TUSC3: variants seen among roughly 807,000 people sequenced by gnomAD.
TUSC3 encodes the protein tumor suppressor candidate 3.
TUSC3 carries 45 observed loss-of-function variants against 44.8 expected under a neutral mutation model. That is an observed-to-expected ratio of 1.00 (90% CI 0.79 to 1.29). TUSC3 has a LOEUF of 1.29. Ranked by LOEUF, TUSC3 falls within the 50% of genes most tolerant of loss-of-function variation. The pLI is 0.00. For synonymous variants in TUSC3, 212 were observed against 152.9 expected (o/e 1.39, Z -2.85); for missense variants, 519 against 437.9 (o/e 1.19, Z -1.65).
upstream of TUSC3, among the ~76,000 whole-genome samples, chr8:15,535,735 T>C (rs992261490): frequency 8.5e-5 from 13 of 152,166 alleles, no homozygotes; most frequent in Admixed American, 5.2e-4. Flanking sequence ...CAGGAAGTGA[T>C]AGTAGCAGTA....
chr8:15,839,613 G>T, the TUSC3 span, among the ~76,000 whole-genome samples: 6 of 152,168 alleles, frequency 3.9e-5, no homozygotes, highest in Admixed American at 6.5e-5. Flanking sequence ...GCAGCCAACA[G>T]ATACATGACA....
chr8:15,753,578 A>G lies in TUSC3; in HGVS notation c.1029-4213A>G, dbSNP rs116755719. Among the ~76,000 whole-genome samples, 496 of 152,192 alleles carry G rather than the reference A, an allele frequency of 3.3e-3. 2 individuals are homozygous for G. The highest frequency in any genetic ancestry group is 0.012 in the African/African-American group (482 of 41,530). ...CCTTTTGTTAGTCTAGCACATGTATATGTGCTAAAGTTAACTTAGTAATAA... is the reference window on the plus strand; with the variant it reads ...CCTTTTGTTAGTCTAGCACATGTATGTGTGCTAAAGTTAACTTAGTAATAA... On this transcript the variant is annotated intron_variant, in intron 9 of 10. Transcript: ENST00000503731.
chr8:15,518,571 C>T lies in TUSC3; in HGVS notation n.189+35088C>T, dbSNP rs148491934. 2.6e-3 allele frequency among the ~76,000 whole-genome samples: 390 copies of T among 152,214 alleles called. 1 individual carries two copies. Among genetic ancestry groups the T allele is most frequent in the African/African-American group, 8.5e-3 (353 of 41,544 alleles). On this transcript the variant is annotated intron_variant and non_coding_transcript_variant, in intron 2 of 5. Coordinates refer to the TUSC3 transcript ENST00000503191. ...TCACTTCTCCTTATGAAAATACAATCTCAGCTTTTATAATATTTATATCCT... is the reference window on the plus strand; with the variant it reads ...TCACTTCTCCTTATGAAAATACAATTTCAGCTTTTATAATATTTATATCCT...
chr8:15,594,245 G>T (rs879433647), intron 1 of TUSC3, among the ~76,000 whole-genome samples: 8 of 151,732 alleles, frequency 5.3e-5, no homozygotes, highest in Non-Finnish European at 1.0e-4. Flanking sequence ...TTTATTTCAC[G>T]TGTTGTAGTT....
In TUSC3 at chr8:15,522,991, G is replaced by A. The variant is rs1362833075; in HGVS notation, n.189+39508G>A. On this transcript the variant is annotated intron_variant and non_coding_transcript_variant, in intron 2 of 5. Coordinates refer to the TUSC3 transcript ENST00000503191. ...ATGCGAAGATGCATCGTTAAGTAAG[G>A]TGTCACAGGAGACTGATGCTCAATC... Among the ~76,000 whole-genome samples, 16 of 152,262 alleles carry A rather than the reference G, an allele frequency of 1.1e-4. No individual in the cohort carries two copies. The South Asian group carries it at 3.3e-3, about 32-fold the overall frequency.
the TUSC3 span, among the ~76,000 whole-genome samples, chr8:15,846,134 G>C: frequency 6.6e-6 from 1 of 152,128 alleles, no homozygotes; most frequent in East Asian, 1.9e-4. Context: ...CACAACATGT[G>C]GGAATTCTGG....
chr8:15,501,843 G>C (rs1800971044), intron 2 of TUSC3, among the ~76,000 whole-genome samples: 1 of 152,168 alleles, frequency 6.6e-6, no homozygotes, highest in South Asian at 2.1e-4. Flanking sequence ...CTGGTAGACA[G>C]TTAAAAATCA....
intron 1 of TUSC3, among the ~76,000 whole-genome samples, chr8:15,542,596 TG>T (rs542902980): frequency 2.4e-4 from 37 of 152,300 alleles, no homozygotes; most frequent in African/African-American, 8.7e-4. Flanking sequence ...AAAGTGTACA[TG>T]TTTACAGCAT....
intron 6 of TUSC3, among the ~76,000 whole-genome samples, chr8:15,706,232 G>A (rs542657522): frequency 6.6e-6 from 1 of 151,984 alleles, no homozygotes; most frequent in South Asian, 2.1e-4. Flanking sequence ...ATATATTTAT[G>A]TGTTTGCTGT....
intron 1 of TUSC3, among the ~76,000 whole-genome samples, chr8:15,590,833 G>C (rs1429776611): frequency 6.6e-6 from 1 of 151,852 alleles, no homozygotes; most frequent in African/African-American, 2.4e-5. Flanking sequence ...CACTGTGCCT[G>C]GCTAATTTTT....
intron 9 of TUSC3, among the ~76,000 whole-genome samples, chr8:15,757,351 A>T: frequency 6.6e-6 from 1 of 152,334 alleles, no homozygotes; most frequent in South Asian, 2.1e-4. Flanking sequence ...ATAACAGCTA[A>T]AAATGAAAGG....
At chr8:15,653,971 G>A (rs1807034583) in intron 3 of TUSC3, among the ~76,000 whole-genome samples, 2 of 152,124 alleles carry the variant, frequency 1.3e-5, no homozygotes, top group South Asian at 2.1e-4. Context: ...GAATGGCTGA[G>A]GCTAGGTATC....
chr8:15,828,567 C>T, the TUSC3 span, among the ~76,000 whole-genome samples: 1 of 152,158 alleles, frequency 6.6e-6, no homozygotes, highest in Non-Finnish European at 1.5e-5. Flanking sequence ...TTGTTCATAT[C>T]TTTACCAGAT....
intron 1 of TUSC3, among the ~76,000 whole-genome samples, chr8:15,600,732 C>A (rs1434274809): frequency 6.6e-6 from 1 of 151,596 alleles, no homozygotes; most frequent in Non-Finnish European, 1.5e-5. Flanking sequence ...CTTCTTGCAC[C>A]CTCTCAACAA....
At chr8:15,642,119 G>T (rs1417629904) in intron 2 of TUSC3, among the ~76,000 whole-genome samples, 1 of 152,232 alleles carries the variant, frequency 6.6e-6, no homozygotes, top group African/African-American at 2.4e-5. Context: ...ATGGTAGTCT[G>T]CCAGTTCATT....
chr8:15,603,482 G>A (rs756636865), intron 1 of TUSC3, among the ~76,000 whole-genome samples: 12 of 151,496 alleles, frequency 7.9e-5, no homozygotes, highest in South Asian at 2.1e-4. Context: ...TTCTGTGGGC[G>A]TATTTGACAG....
intron 1 of TUSC3, among the ~76,000 whole-genome samples, chr8:15,461,238 G>T (rs149546855): frequency 2.6e-5 from 4 of 151,900 alleles, no homozygotes; most frequent in African/African-American, 9.6e-5. Context: ...GAGGTCTTTC[G>T]CCTCCTTGTT....
At chr8:15,707,615 C>G (rs376217346) in intron 6 of TUSC3, among the ~76,000 whole-genome samples, 1 of 151,686 alleles carries the variant, frequency 6.6e-6, no homozygotes, top group East Asian at 1.9e-4. Flanking sequence ...TATATTTCTG[C>G]GAGAGCAAAG....
chr8:15,528,652 C>A (rs989694330), intron 2 of TUSC3, among the ~76,000 whole-genome samples: 1 of 152,210 alleles, frequency 6.6e-6, no homozygotes, highest in Non-Finnish European at 1.5e-5. Flanking sequence ...CTGTAGAACA[C>A]TTCTTCACTT....
Sources: gnomAD v4.1 joint callset for allele counts (sites outside exome capture counted in the v4.1 genomes callset) on GRCh38, gnomAD v4.1.1 for gene constraint, MANE v1.5 for transcripts, NCBI Gene and HGNC (gene_info 2026-07-23, HGNC 2026-07-21) for gene names.